The following PHKB variants were observed in gnomAD, a reference collection of about 807,000 sequenced individuals.
PHKB encodes phosphorylase kinase regulatory subunit beta.
PHKB carries 122 observed loss-of-function variants against 152.1 expected under a neutral mutation model. The ratio of observed to expected loss-of-function variants is 0.80; its 90% confidence interval spans 0.69 to 0.93. The LOEUF (loss-of-function observed/expected upper bound fraction) is 0.93, where lower values mean the gene tolerates loss of function less well. Ranked by LOEUF, PHKB falls within the 40% of genes least tolerant of loss-of-function variation. The pLI is 0.00. For synonymous variants in PHKB, 436 were observed against 464.9 expected (o/e 0.94, Z 0.80); for missense variants, 1,304 against 1,328.4 (o/e 0.98, Z 0.29).
chr16:47,462,364 T>C (rs1969580152), intron 1 of PHKB: 1 of 152,286 alleles, frequency 6.6e-6, no homozygotes, highest in Non-Finnish European at 1.5e-5. Flanking sequence ...ACGGGCGCGG[T>C]GGCTCACGCC....
chr16:47,656,332 T>A (rs904520104), intron 20 of PHKB, among the ~76,000 whole-genome samples: 3 of 152,332 alleles, frequency 2.0e-5, no homozygotes, highest in Middle Eastern at 3.4e-3. Context: ...TTACATTTTT[T>A]AAAAAATGTA....
At chr16:47,643,187 G>A (rs1043272366) in intron 16 of PHKB, among the ~76,000 whole-genome samples, 3 of 152,174 alleles carry the variant, frequency 2.0e-5, no homozygotes, top group African/African-American at 7.2e-5. Context: ...AACATGGTGA[G>A]CAAATGACTT....
chr16:47,689,056 C>G lies in PHKB; in HGVS notation c.2646C>G (p.Ala882=). The change falls in exon 27 of 31, where the codon GCC becomes GCG. Residue 882 remains alanine, a synonymous_variant. Coordinates refer to ENST00000323584, the MANE Select transcript of PHKB (RefSeq NM_000293.3). ...LKIRIGWIIH[A]MEYELQIRGG... The stretch of plus-strand genomic sequence containing the variant: ...TTTGTTTCAGGTGGATCATCCATGC[C>G]ATGGAGTATGAACTTCAGATCCGTG... 6.2e-7 allele frequency: 1 copy of G among 1,613,998 alleles called. No homozygotes were observed. The highest frequency in any genetic ancestry group is 8.5e-7 in the Non-Finnish European group (1 of 1,179,960).
At chr16:47,619,263 A>T (rs1972575843) in intron 14 of PHKB, 1 of 152,182 alleles carries the variant, frequency 6.6e-6, no homozygotes, top group African/African-American at 2.4e-5. Flanking sequence ...GGAAGCAGTG[A>T]TTTTTGTAAT....
chr16:47,541,013 A>G (rs949978958), intron 6 of PHKB, among the ~76,000 whole-genome samples: 1 of 151,464 alleles, frequency 6.6e-6, no homozygotes, highest in African/African-American at 2.4e-5. Context: ...TTTTTTTATT[A>G]TACTTTAAGT....
intron 7 of PHKB, chr16:47,566,861 C>T (rs1386855821): frequency 1.4e-6 from 1 of 707,126 alleles, no homozygotes; most frequent in Non-Finnish European, 2.6e-6. Flanking sequence ...AGAGAGTCTT[C>T]CCCTTCTTAT....
Position 47,558,273 on chromosome 16 carries a change from T to C in PHKB, c.710+10725T>C, listed in dbSNP as rs576506901. Among the ~76,000 whole-genome samples the C allele has an allele frequency of 1.2e-4, 18 of 150,648 alleles. No homozygotes were observed. In the East Asian group the frequency reaches 3.2e-3, roughly 26 times the overall value. On this transcript the variant is annotated intron_variant, in intron 7 of 30. Transcript: ENST00000323584. The stretch of plus-strand genomic sequence containing the variant: ...GGGAGGGATAGCATTAGGAGATATA[T>C]CTAATGCTAAATGACGAGTTAATGG...
intron 4 of PHKB, among the ~76,000 whole-genome samples, chr16:47,503,428 A>C (rs1970357493): frequency 6.6e-6 from 1 of 152,254 alleles, no homozygotes; most frequent in Non-Finnish European, 1.5e-5. Context: ...TATCCTTGTC[A>C]GAATTACTTT....
intron 1 of PHKB, among the ~76,000 whole-genome samples, chr16:47,465,646 C>A (rs2151625636): frequency 6.6e-6 from 1 of 152,294 alleles, no homozygotes; most frequent in Non-Finnish European, 1.5e-5. Flanking sequence ...AAATTTGTAT[C>A]TGTTAAAATA....
At chr16:47,671,166 G>A (rs895965837) in intron 26 of PHKB, among the ~76,000 whole-genome samples, 8 of 152,152 alleles carry the variant, frequency 5.3e-5, no homozygotes, top group African/African-American at 1.7e-4. Context: ...AATTATGTTT[G>A]TCAAATATTA....
chr16:47,654,912 C>T (rs916104273), intron 20 of PHKB, among the ~76,000 whole-genome samples: 3 of 151,486 alleles, frequency 2.0e-5, no homozygotes, highest in African/African-American at 7.3e-5. Flanking sequence ...TGTAACAAAC[C>T]TGCATGTTGT....
intron 7 of PHKB, among the ~76,000 whole-genome samples, chr16:47,578,695 G>A (rs1971790306): frequency 6.6e-6 from 1 of 152,082 alleles, no homozygotes; most frequent in Admixed American, 6.5e-5. Flanking sequence ...ATCACCTATT[G>A]GAAATGAAAG....
At chr16:47,554,374 G>T (rs1474329970) in intron 7 of PHKB, among the ~76,000 whole-genome samples, 2 of 152,136 alleles carry the variant, frequency 1.3e-5, no homozygotes, top group Non-Finnish European at 2.9e-5. Flanking sequence ...TCCCCACCAA[G>T]CTGGAGTGTC....
At chr16:47,563,136 G>A (rs571235278) in intron 7 of PHKB, among the ~76,000 whole-genome samples, 2 of 151,498 alleles carry the variant, frequency 1.3e-5, no homozygotes, top group East Asian at 1.9e-4. Flanking sequence ...AACTCCTCAC[G>A]CTTATCCATG....
chr16:47,532,955 G>T lies in PHKB; in HGVS notation c.595-14478G>T, dbSNP rs1021948668. Among the ~76,000 whole-genome samples the T allele has an allele frequency of 6.6e-5, 10 of 152,338 alleles. No homozygotes were observed. In the South Asian group the frequency reaches 8.3e-4, roughly 13 times the overall value. On this transcript the variant is annotated intron_variant, in intron 6 of 30. Transcript: ENST00000323584. ...CTTTATTGAGCAGTGGAACAACTTA[G>T]AGGAGACCTGCAGTGGGTAGCTTCT... is the stretch of plus-strand genomic sequence containing the variant.
intron 20 of PHKB, among the ~76,000 whole-genome samples, chr16:47,657,420 G>A (rs570504321): frequency 4.6e-5 from 7 of 152,294 alleles, no homozygotes; most frequent in African/African-American, 9.6e-5. Context: ...GTGATGGGAA[G>A]GAATGCAATC....
At chr16:47,514,704 G>A (rs760321325) in intron 5 of PHKB, among the ~76,000 whole-genome samples, 28 of 152,128 alleles carry the variant, frequency 1.8e-4, no homozygotes, top group Admixed American at 3.3e-4. Flanking sequence ...CAGTCAAATT[G>A]ACACCTAAAA....
chr16:47,615,449 T>C (rs1972498566), intron 14 of PHKB, among the ~76,000 whole-genome samples: 1 of 152,212 alleles, frequency 6.6e-6, no homozygotes, highest in South Asian at 2.1e-4. Context: ...AAAGACAGAT[T>C]GATTGGCCAA....
intron 8 of PHKB, among the ~76,000 whole-genome samples, chr16:47,583,522 A>AT (rs1971884303): frequency 6.6e-6 from 1 of 152,176 alleles, no homozygotes; most frequent in Admixed American, 6.5e-5. Context: ...TCTAAAGGCC[A>AT]TTGGTATAAG....
Sources: allele counts gnomAD v4.1 joint callset (sites outside exome capture counted in the v4.1 genomes callset), GRCh38; gene constraint gnomAD v4.1.1; transcripts MANE v1.5; gene names NCBI Gene and HGNC (gene_info 2026-07-23, HGNC 2026-07-21).